Variants in PLEKHB1 observed in about 807,000 individuals in gnomAD.
PLEKHB1 encodes the protein pleckstrin homology domain containing B1.
A neutral mutation model predicts 36.2 loss-of-function variants in PLEKHB1; 29 were observed. The observed-to-expected ratio is 0.80, with a 90% CI of 0.60 to 1.09. The LOEUF is 1.09. PLEKHB1 is among the 50% of genes least tolerant of loss of function. PLEKHB1 has a pLI of 0.00. For synonymous variants in PLEKHB1, 138 were observed against 140.0 expected (o/e 0.99, Z 0.10); for missense variants, 330 against 348.2 (o/e 0.95, Z 0.42).
Position 73,661,619 on chromosome 11 carries a change from C to T in PLEKHB1, c.*17C>T. On this transcript the variant is annotated 3_prime_UTR_variant, in exon 8 of 8. Transcript: ENST00000354190. This position sits in a 1 kb window ranked among gnomAD's most constrained non-coding sequence, Gnocchi z 4.6. ...TGGTTCTGAGCCCTGGGACTCGGAG[C>T]ACTGACCCCTGCGCTTGGATTGCTA... The T allele has an allele frequency of 6.4e-7, 1 of 1,559,116 alleles. No individual in the cohort carries two copies. Among genetic ancestry groups the T allele is most frequent in the Non-Finnish European group, 8.7e-7 (1 of 1,155,070 alleles).
chr11:73,651,936 T>C (rs1177696123), intron 4 of PLEKHB1, 46 bp downstream of exon 4: 3 of 1,546,266 alleles, frequency 1.9e-6, no homozygotes, highest in Non-Finnish European at 2.7e-6. Flanking sequence ...CGGGGAAAGT[T>C]ACCATGTGCC....
At chr11:73,651,071 G>A (rs910364619) in intron 3 of PLEKHB1, among the ~76,000 whole-genome samples, 1 of 151,576 alleles carries the variant, frequency 6.6e-6, no homozygotes, top group African/African-American at 2.4e-5. Flanking sequence ...AATTGCTTGA[G>A]CCCAGGAATT....
chr11:73,652,036 T>C, intron 4 of PLEKHB1, 146 bp downstream of exon 4: 1 of 688,916 alleles, frequency 1.5e-6, no homozygotes, highest in Non-Finnish European at 2.5e-6. Flanking sequence ...GCGGGTGGAG[T>C]GGATTTGAAG....
At chr11:73,647,618 G>C (rs667350) in intron 1 of PLEKHB1, 864,883 of 985,306 alleles carry the variant, frequency 0.88, 379,996 homozygotes, top group African/African-American at 0.97. Flanking sequence ...CAGGCGCTGC[G>C]GGAGGAGAGA....
intron 1 of PLEKHB1, chr11:73,648,752 G>A: frequency 8.0e-7 from 1 of 1,244,204 alleles, no homozygotes; most frequent in Non-Finnish European, 1.0e-6. Flanking sequence ...TATGGCCAAA[G>A]TTACCAAGCT....
intron 5 of PLEKHB1, 119 bp from the exon 6 acceptor site, chr11:73,655,684 C>T (rs1452565187): frequency 7.5e-6 from 6 of 795,402 alleles, no homozygotes; most frequent in African/African-American, 1.7e-5. Context: ...CCTGCCACAG[C>T]CCAGCTGGCG....
intron 3 of PLEKHB1, among the ~76,000 whole-genome samples, chr11:73,650,970 C>A (rs1944878096): frequency 1.3e-5 from 2 of 151,676 alleles, no homozygotes; most frequent in South Asian, 4.2e-4. Context: ...TCTAGATCAG[C>A]CCGGCCAACA....
At chr11:73,659,710 T>C (rs1945065264) in intron 6 of PLEKHB1, among the ~76,000 whole-genome samples, 1 of 152,150 alleles carries the variant, frequency 6.6e-6, no homozygotes, top group South Asian at 2.1e-4. Context: ...TGAGCTAGGC[T>C]TTGAAGGGTT....
intron 5 of PLEKHB1, among the ~76,000 whole-genome samples, chr11:73,654,642 G>A (rs772039317): frequency 2.0e-5 from 3 of 152,188 alleles, no homozygotes; most frequent in East Asian, 3.9e-4. Flanking sequence ...AGAGGAGGGC[G>A]TTATCTGCAG....
At position 73,661,614 on chromosome 11, in the gene PLEKHB1, CG is replaced by C; in HGVS notation, c.*14del. 1 of 1,568,544 alleles carries C rather than the reference CG, an allele frequency of 6.4e-7. No homozygotes were observed. Among genetic ancestry groups the C allele is most frequent in the Non-Finnish European group, 8.6e-7 (1 of 1,159,464 alleles). On this transcript the variant is annotated 3_prime_UTR_variant, in exon 8 of 8. Coordinates refer to ENST00000354190, the MANE Select transcript of PLEKHB1 (RefSeq NM_021200.3). This position sits in a 1 kb window ranked among gnomAD's most constrained non-coding sequence, Gnocchi z 4.6. Reference sequence around the variant, plus strand: ...CCTGCTGGTTCTGAGCCCTGGGACTCGGAGCACTGACCCCTGCGCTTGGATT... The same window carrying C: ...CCTGCTGGTTCTGAGCCCTGGGACTCGAGCACTGACCCCTGCGCTTGGATT...
At chr11:73,660,724 T>C in intron 6 of PLEKHB1, 29 bp from the exon 7 acceptor site, 1 of 1,560,188 alleles carries the variant, frequency 6.4e-7, no homozygotes, top group Non-Finnish European at 8.7e-7. Context: ...AGGGAGTTCC[T>C]GGGCACCTGA....
At chr11:73,658,569 T>G (rs1189349809) in intron 6 of PLEKHB1, among the ~76,000 whole-genome samples, 1 of 152,206 alleles carries the variant, frequency 6.6e-6, no homozygotes, top group Admixed American at 6.5e-5. Flanking sequence ...AAAGCAGATG[T>G]GTGAAGACAA....
intron 5 of PLEKHB1, among the ~76,000 whole-genome samples, chr11:73,655,219 C>G (rs781273770): frequency 2.6e-5 from 4 of 152,222 alleles, no homozygotes; most frequent in Non-Finnish European, 4.4e-5. Flanking sequence ...CCTCCCACTA[C>G]TCCACATATA....
intron 2 of PLEKHB1, 84 bp downstream of exon 2, chr11:73,649,171 A>G: frequency 6.7e-7 from 1 of 1,488,314 alleles, no homozygotes; most frequent in Non-Finnish European, 9.1e-7. Flanking sequence ...TTCTCTCAAG[A>G]AACCAGGACC....
At chr11:73,652,718 A>G (rs1439082798) in intron 4 of PLEKHB1, 3 of 402,142 alleles carry the variant, frequency 7.5e-6, no homozygotes, top group Non-Finnish European at 4.4e-6. Context: ...CCCAAGCCCA[A>G]CCGTCCACTG....
intron 5 of PLEKHB1, among the ~76,000 whole-genome samples, chr11:73,654,521 A>T (rs903922826): frequency 6.6e-5 from 10 of 152,126 alleles, no homozygotes; most frequent in Non-Finnish European, 1.2e-4. Context: ...TATTAGTCCC[A>T]TTTTACAGAT....
chr11:73,660,594 A>G, intron 6 of PLEKHB1, 159 bp from the exon 7 acceptor site: 1 of 655,390 alleles, frequency 1.5e-6, no homozygotes, highest in South Asian at 1.9e-5. Flanking sequence ...TGGGGAGGGC[A>G]GGGCCTTTCT....
At chr11:73,655,542 A>AG (rs1944975322) in intron 5 of PLEKHB1, among the ~76,000 whole-genome samples, 1 of 152,236 alleles carries the variant, frequency 6.6e-6, no homozygotes, top group Non-Finnish European at 1.5e-5. Flanking sequence ...GAACCCCAGC[A>AG]GGATGAAATA....
chr11:73,651,322 AC>A (rs1400285280), intron 3 of PLEKHB1: 1 of 422,262 alleles, frequency 2.4e-6, no homozygotes, highest in African/African-American at 2.1e-5. Flanking sequence ...GCACTGCACT[AC>A]AGCCTGGGGG....
Sources: allele counts gnomAD v4.1 joint callset (sites outside exome capture counted in the v4.1 genomes callset), GRCh38; gene constraint gnomAD v4.1.1; non-coding constraint Gnocchi (gnomAD v3.1); transcripts MANE v1.5; gene names NCBI Gene and HGNC (gene_info 2026-07-23, HGNC 2026-07-21).